The following RALGPS1 variants were observed in gnomAD, a reference collection of about 807,000 sequenced individuals.
RALGPS1 encodes the protein ras-specific guanine nucleotide-releasing factor RalGPS1.
Under a neutral mutation model 78.8 loss-of-function variants are expected in RALGPS1, and 19 were observed. The observed-to-expected ratio is 0.24, with a 90% CI of 0.17 to 0.35. The LOEUF is 0.35. Ranked by LOEUF, RALGPS1 falls within the 10% of genes least tolerant of loss-of-function variation. The probability of loss-of-function intolerance (pLI) is 1.00; values close to 1 mark genes in which losing one functional copy is unlikely to be tolerated. For synonymous variants in RALGPS1, 228 were observed against 256.3 expected (o/e 0.89, Z 1.06); for missense variants, 454 against 688.3 (o/e 0.66, Z 3.81).
At chr9:127,112,842 T>G (rs144953927) in intron 8 of RALGPS1, among the ~76,000 whole-genome samples, 31 of 152,392 alleles carry the variant, frequency 2.0e-4, no homozygotes, top group Admixed American at 1.1e-3. Flanking sequence ...CCTTGACTAA[T>G]GCTTGCACAG....
chr9:126,921,759 G>A (rs1041072921), intron 1 of RALGPS1, among the ~76,000 whole-genome samples: 33 of 152,190 alleles, frequency 2.2e-4, no homozygotes, highest in Non-Finnish European at 5.9e-5. Context: ...GATAGTACGC[G>A]CCTTTGTGTG....
chr9:126,963,383 G>A (rs1011198485), intron 2 of RALGPS1, among the ~76,000 whole-genome samples: 5 of 152,058 alleles, frequency 3.3e-5, no homozygotes, highest in African/African-American at 1.2e-4. Flanking sequence ...ATATTTGAGT[G>A]TGTATATATA....
intron 4 of RALGPS1, among the ~76,000 whole-genome samples, chr9:127,021,249 C>G (rs1268599633): frequency 6.6e-6 from 1 of 152,058 alleles, no homozygotes; most frequent in African/African-American, 2.4e-5. Flanking sequence ...CAGTTGTAAT[C>G]CCAGCACTTT....
chr9:126,982,802 TTCC>T (rs891461448), intron 4 of RALGPS1, among the ~76,000 whole-genome samples: 3 of 149,756 alleles, frequency 2.0e-5, no homozygotes, highest in African/African-American at 7.4e-5. Flanking sequence ...CTTCTTCTTC[TTCC>T]TTCTTTCTTC....
chr9:126,917,658 G>C (rs527926740), intron 1 of RALGPS1, among the ~76,000 whole-genome samples: 87 of 152,320 alleles, frequency 5.7e-4, no homozygotes, highest in African/African-American at 2.0e-3. Context: ...TGAGACGGGA[G>C]GGGAGAAGGC....
At chr9:127,034,389 C>T (rs1252401225) in intron 4 of RALGPS1, 42 bp from the exon 5 acceptor site, 3 of 1,569,166 alleles carry the variant, frequency 1.9e-6, no homozygotes, top group African/African-American at 2.7e-5. Context: ...TATTTTGCAT[C>T]CCAACTAGAA....
At chr9:126,919,572 T>C (rs1431587982) in intron 1 of RALGPS1, among the ~76,000 whole-genome samples, 1 of 152,236 alleles carries the variant, frequency 6.6e-6, no homozygotes, top group Non-Finnish European at 1.5e-5. Flanking sequence ...TTTCCATATC[T>C]GTAAAATAGA....
chr9:126,963,540 A>G (rs1476039484), intron 2 of RALGPS1, among the ~76,000 whole-genome samples: 1 of 152,248 alleles, frequency 6.6e-6, no homozygotes, highest in African/African-American at 2.4e-5. Flanking sequence ...AGTGCTCAAT[A>G]AATTTTGATG....
rs754372755 is a variant in RALGPS1, at chr9:127,212,177, C to G, written c.1294C>G (p.Pro432Ala). ...TTCTCTGGGGAACTCCGCAGCTGTG[C>G]CCACCATGGAGGGGCCTCTGAGAAG... Reference protein sequence around the residue: ...ICSLGNSAAVPTMEGPLRRKT... With the variant: ...ICSLGNSAAVATMEGPLRRKT... The change falls in exon 15 of 19, where the codon CCC becomes GCC. Residue 432 changes from proline (P) to alanine (A), a missense_variant. By Grantham distance (27) the Pro-to-Ala change is conservative. Coordinates refer to ENST00000259351, the MANE Select transcript of RALGPS1 (RefSeq NM_014636.3). The surrounding 1 kb of genome is among the most constrained non-coding windows in gnomAD (Gnocchi z 6.0). 1.1e-5 allele frequency: 18 copies of G among 1,613,764 alleles called. No homozygotes were observed. The highest frequency in any genetic ancestry group is 1.4e-5 in the Non-Finnish European group (17 of 1,179,942).
At chr9:127,173,257 C>G (rs959436594) in intron 10 of RALGPS1, among the ~76,000 whole-genome samples, 1 of 152,182 alleles carries the variant, frequency 6.6e-6, no homozygotes, top group Admixed American at 6.5e-5. Flanking sequence ...CCCCGTGGAG[C>G]CTTCATTTCC....
chr9:126,958,640 C>T (rs563071316), intron 1 of RALGPS1, among the ~76,000 whole-genome samples: 2 of 152,218 alleles, frequency 1.3e-5, no homozygotes, highest in South Asian at 2.1e-4. Flanking sequence ...TGCGGTGTGT[C>T]GACTGAATTC....
At chr9:126,937,924 G>A (rs1434525900) in intron 1 of RALGPS1, among the ~76,000 whole-genome samples, 1 of 152,192 alleles carries the variant, frequency 6.6e-6, no homozygotes, top group Non-Finnish European at 1.5e-5. Flanking sequence ...TGGCAGAAAG[G>A]TCACAAAGAT....
At chr9:127,039,249 G>A (rs570173157) in intron 5 of RALGPS1, among the ~76,000 whole-genome samples, 35 of 152,144 alleles carry the variant, frequency 2.3e-4, no homozygotes, top group Non-Finnish European at 4.1e-4. Context: ...GAGCAACCTG[G>A]GAGCAGAACA....
At chr9:127,144,199 C>A (rs1334689263) in intron 8 of RALGPS1, among the ~76,000 whole-genome samples, 1 of 152,222 alleles carries the variant, frequency 6.6e-6, no homozygotes, top group Non-Finnish European at 1.5e-5. Context: ...TTGGCTGTCC[C>A]CCTCTAACAG....
intron 4 of RALGPS1, among the ~76,000 whole-genome samples, chr9:127,022,524 A>C (rs1475255998): frequency 6.6e-6 from 1 of 151,518 alleles, no homozygotes; most frequent in Non-Finnish European, 1.5e-5. Context: ...GCAGAAAAAA[A>C]AAAAAAATTG....
chr9:127,102,606 T>C (rs2053846359), intron 8 of RALGPS1, among the ~76,000 whole-genome samples: 1 of 152,208 alleles, frequency 6.6e-6, no homozygotes, highest in Admixed American at 6.5e-5. Context: ...GTGTCATCTT[T>C]GGAAAACTGC....
chr9:127,168,440 G>A (rs1335435927), intron 9 of RALGPS1, among the ~76,000 whole-genome samples: 4 of 152,224 alleles, frequency 2.6e-5, no homozygotes, highest in African/African-American at 9.6e-5. Flanking sequence ...GCCTCAGAGT[G>A]TGGTGACTGA....
At position 126,962,288 on chromosome 9, in the gene RALGPS1, C is replaced by CT. The variant is rs757789142; in HGVS notation, c.-1dup. On this transcript the variant is annotated 5_prime_UTR_variant, in exon 2 of 19. Coordinates refer to ENST00000259351, the MANE Select transcript of RALGPS1 (RefSeq NM_014636.3). The stretch of plus-strand genomic sequence containing the variant: ...CCTGAAGCTCCCTGTGGCCTGGAGA[C>CT]TATGTACAAGAGGAATGGTCTGATG... 1.9e-6 allele frequency: 3 copies of CT among 1,614,128 alleles called. No individual in the cohort carries two copies. The highest frequency in any genetic ancestry group is 1.7e-6 in the Non-Finnish European group (2 of 1,180,002).
chr9:127,178,057 G>T, intron 11 of RALGPS1: 1 of 1,454,366 alleles, frequency 6.9e-7, no homozygotes, highest in Non-Finnish European at 9.2e-7. Flanking sequence ...CCTGGGGAGG[G>T]TGGAGCCCTA....
Sources: allele counts gnomAD v4.1 joint callset (sites outside exome capture counted in the v4.1 genomes callset), GRCh38; gene constraint gnomAD v4.1.1; non-coding constraint Gnocchi (gnomAD v3.1); transcripts MANE v1.5; gene names NCBI Gene and HGNC (gene_info 2026-07-23, HGNC 2026-07-21).